Variants in TG observed in about 807,000 individuals in gnomAD.
The protein encoded by TG is thyroid hormones.
In TG, 270 loss-of-function variants were observed where a neutral mutation model predicts 324.7. The ratio of observed to expected loss-of-function variants is 0.83; its 90% CI spans 0.75 to 0.92. The LOEUF (loss-of-function observed/expected upper bound fraction) is 0.92, where lower values mean the gene tolerates loss of function less well. TG is among the 40% of genes least tolerant of loss of function. The probability of loss-of-function intolerance (pLI) is 0.00; values close to 1 mark genes in which losing one functional copy is unlikely to be tolerated. For synonymous variants in TG, 1,401 were observed against 1,327.0 expected (o/e 1.06, Z -1.21); for missense variants, 3,591 against 3,456.4 (o/e 1.04, Z -0.98).
At chr8:132,957,033 G>A (rs1826984102) in intron 27 of TG, among the ~76,000 whole-genome samples, 1 of 152,104 alleles carries the variant, frequency 6.6e-6, no homozygotes, top group South Asian at 2.1e-4. Flanking sequence ...GGGAATGAGA[G>A]ATGAGGAAGA....
intron 45 of TG, among the ~76,000 whole-genome samples, chr8:133,122,379 C>T (rs771367470): frequency 9.2e-5 from 14 of 152,172 alleles, no homozygotes; most frequent in Non-Finnish European, 1.8e-4. Context: ...CCGTCTAGCT[C>T]CTTCATTTTA....
At chr8:133,045,012 G>A (rs926772246) in intron 41 of TG, 1 of 1,614,054 alleles carries the variant, frequency 6.2e-7, no homozygotes, top group Non-Finnish European at 8.5e-7. Flanking sequence ...GGTCCTCCAG[G>A]CACTGGAAGG....
At position 132,888,482 on chromosome 8, in the gene TG, A is replaced by G. The variant is rs1281198204; in HGVS notation, c.2675A>G (p.His892Arg). Residue 892 changes from histidine (H) to arginine (R), a missense_variant, in exon 10 of 48, where the codon CAT (histidine) becomes CGT (arginine). Coordinates refer to ENST00000220616, the MANE Select transcript of TG (RefSeq NM_003235.5). ...SYSDFSTPLA[H>R]FDLRNCWCVD... is the part of the protein sequence containing the mutation. ...TCAGACTTCAGCACTCCTTTGGCAC[A>G]TTTTGATCTTCGGAACTGCTGGTGT... 1.2e-6 allele frequency: 2 copies of G among 1,610,700 alleles called. No individual in the cohort carries two copies. Among genetic ancestry groups the G allele is most frequent in the Admixed American group, 3.3e-5 (2 of 59,870 alleles).
At chr8:133,118,556 C>T (rs1588134962) in intron 45 of TG, among the ~76,000 whole-genome samples, 1 of 152,106 alleles carries the variant, frequency 6.6e-6, no homozygotes, top group South Asian at 2.1e-4. Flanking sequence ...AATTCTTGAC[C>T]TCAAGTGATC....
intron 22 of TG, among the ~76,000 whole-genome samples, chr8:132,925,516 C>CGTGTGTGTGT (rs139966752): frequency 0.24 from 34,027 of 144,610 alleles, 4,643 homozygotes; most frequent in South Asian, 0.35. Flanking sequence ...CTAAGGAGTG[C>CGTGTGTGTGT]GTGTGTGTGT....
At chr8:133,048,730 T>G (rs946542011) in intron 41 of TG, 1 of 159,122 alleles carries the variant, frequency 6.3e-6, no homozygotes, top group Admixed American at 6.1e-5. Context: ...GAGAGTCACG[T>G]GACTCCCATC....
At chr8:132,934,425 A>G (rs1257088354) in intron 24 of TG, among the ~76,000 whole-genome samples, 1 of 152,238 alleles carries the variant, frequency 6.6e-6, no homozygotes, top group African/African-American at 2.4e-5. Flanking sequence ...CTGTGAGTCA[A>G]AGCTTATAGA....
At chr8:132,906,576 G>A in intron 16 of TG, 112 bp from the exon 17 acceptor site, 1 of 1,233,536 alleles carries the variant, frequency 8.1e-7, no homozygotes, top group Middle Eastern at 2.7e-4. Flanking sequence ...TCCAGGGAAG[G>A]GGAGAGGAGG....
At chr8:132,905,464 AC>A (rs1301080615) in intron 16 of TG, among the ~76,000 whole-genome samples, 2 of 152,150 alleles carry the variant, frequency 1.3e-5, no homozygotes, top group African/African-American at 4.8e-5. Flanking sequence ...GCCCCTGAAT[AC>A]CCTCATATTC....
chr8:133,088,871 TA>T (rs1667361797), intron 41 of TG, among the ~76,000 whole-genome samples: 1 of 152,318 alleles, frequency 6.6e-6, no homozygotes, highest in African/African-American at 2.4e-5. Context: ...CTCAGGCTTT[TA>T]GGGATCAAGA....
chr8:133,106,046 T>C (rs1849773523), intron 43 of TG, among the ~76,000 whole-genome samples: 1 of 151,290 alleles, frequency 6.6e-6, no homozygotes, highest in Non-Finnish European at 1.5e-5. Flanking sequence ...ACCCTCCTGT[T>C]GGGGACTGCC....
chr8:132,870,037 T>C (rs956118882), intron 3 of TG, among the ~76,000 whole-genome samples: 1 of 152,154 alleles, frequency 6.6e-6, no homozygotes, highest in African/African-American at 2.4e-5. Flanking sequence ...TCAATAAATA[T>C]CTACCCAGTT....
chr8:133,089,824 C>T (rs565392849), intron 41 of TG, among the ~76,000 whole-genome samples: 36 of 152,272 alleles, frequency 2.4e-4, no homozygotes, highest in Middle Eastern at 3.4e-3. Context: ...CCTGCCCACT[C>T]CCCCTCGGAA....
intron 27 of TG, among the ~76,000 whole-genome samples, chr8:132,950,189 G>A (rs1825908261): frequency 6.6e-6 from 1 of 152,212 alleles, no homozygotes. Flanking sequence ...GCTCCAGAGT[G>A]AGGTTGAGGG....
chr8:132,901,643 A>T, intron 16 of TG, 90 bp downstream of exon 16: 22 of 1,358,870 alleles, frequency 1.6e-5, no homozygotes, highest in Non-Finnish European at 2.1e-5. Context: ...CTGGGAAGGC[A>T]GGGGTGGGAG....
intron 34 of TG, among the ~76,000 whole-genome samples, chr8:132,977,458 G>A (rs1021360178): frequency 1.3e-5 from 2 of 152,068 alleles, no homozygotes; most frequent in African/African-American, 4.8e-5. Context: ...TTAACACTAT[G>A]TATTAGTCCA....
intron 30 of TG, 41 bp downstream of exon 30, chr8:132,966,738 G>T: frequency 6.2e-7 from 1 of 1,612,710 alleles, no homozygotes. Flanking sequence ...TCCAGACACT[G>T]TAGTCAGGCA....
chr8:133,045,340 C>T (rs565628358), intron 41 of TG, among the ~76,000 whole-genome samples: 12 of 149,890 alleles, frequency 8.0e-5, no homozygotes, highest in African/African-American at 2.9e-4. Flanking sequence ...ATATGTTCAT[C>T]ACATGGTCCT....
At chr8:133,068,169 G>T (rs375032659) in intron 41 of TG, among the ~76,000 whole-genome samples, 1 of 152,216 alleles carries the variant, frequency 6.6e-6, no homozygotes, top group Non-Finnish European at 1.5e-5. Context: ...CAAGCAATCT[G>T]CTCAAGGTCA....
Sources: allele counts gnomAD v4.1 joint callset (sites outside exome capture counted in the v4.1 genomes callset), GRCh38; gene constraint gnomAD v4.1.1; transcripts MANE v1.5; gene names NCBI Gene and HGNC (gene_info 2026-07-23, HGNC 2026-07-21).